The following AP3D1 variants were observed in gnomAD, a reference collection of about 807,000 sequenced individuals.
The protein encoded by AP3D1 is adaptor related protein complex 3 subunit delta 1.
Under a neutral mutation model 147.6 loss-of-function variants are expected in AP3D1, and 51 were observed. The observed-to-expected ratio is 0.35, with a 90% CI of 0.28 to 0.44. The LOEUF is 0.44. Among genes scored for constraint, AP3D1 ranks in the 20% least tolerant of loss-of-function variants. The pLI is 1.00. For missense variants in AP3D1, 1,421 were observed against 1,624.2 expected (o/e 0.87, Z 2.15); for synonymous variants, 760 against 663.0 (o/e 1.15, Z -2.25).
intron 1 of AP3D1, among the ~76,000 whole-genome samples, chr19:2,141,070 A>G (rs940903957): frequency 6.6e-6 from 1 of 152,090 alleles, no homozygotes; most frequent in East Asian, 1.9e-4. Context: ...GAATTAGAAA[A>G]AAAATGTATT....
intron 1 of AP3D1, among the ~76,000 whole-genome samples, chr19:2,140,181 C>G (rs991537045): frequency 6.6e-6 from 1 of 152,124 alleles, no homozygotes; most frequent in African/African-American, 2.4e-5. Context: ...AACAAAAAGA[C>G]CATCCCAGGC....
intron 9 of AP3D1, among the ~76,000 whole-genome samples, chr19:2,126,293 G>A (rs1160732599): frequency 6.7e-6 from 1 of 149,696 alleles, no homozygotes; most frequent in Non-Finnish European, 1.5e-5. Context: ...AGAGACCACT[G>A]GGGACATTGG....
Position 2,121,243 on chromosome 19 carries a change from G to A in AP3D1, c.1170C>T (p.Thr390=), listed in dbSNP as rs2018602859. ...LMTHVDKAEG[T]TYRDELLTKI... Reference sequence around the variant, plus strand: ...TGGTGAGCAGCTCGTCACGGTAGGTGGTACCCTCTGCCTTGTCTACGTGGG... The same window carrying A: ...TGGTGAGCAGCTCGTCACGGTAGGTAGTACCCTCTGCCTTGTCTACGTGGG... The change falls in exon 13 of 32, where the codon ACC becomes ACT. Residue 390 remains threonine, a synonymous_variant. Transcript: ENST00000643116. The A allele has an allele frequency of 1.2e-6, 2 of 1,614,066 alleles. No homozygotes were observed. The highest frequency in any genetic ancestry group is 4.5e-5 in the East Asian group (2 of 44,892).
chr19:2,107,576 T>C (rs759923311), intron 31 of AP3D1, among the ~76,000 whole-genome samples: 19 of 151,538 alleles, frequency 1.3e-4, no homozygotes, highest in Non-Finnish European at 2.2e-4. Flanking sequence ...CTGTCTCTAC[T>C]AAAAATACAA....
At chr19:2,154,553 A>G (rs2019630147), upstream of AP3D1, among the ~76,000 whole-genome samples, 1 of 152,336 alleles carries the variant, frequency 6.6e-6, no homozygotes, top group South Asian at 2.1e-4. Context: ...CTGGGAATAC[A>G]GTCGTGAGCC....
At chr19:2,124,918 A>C (rs760163123) in intron 9 of AP3D1, among the ~76,000 whole-genome samples, 8 of 152,148 alleles carry the variant, frequency 5.3e-5, no homozygotes, top group Admixed American at 5.2e-4. Context: ...CAGCCTGGGC[A>C]ACAAGAGAGA....
intron 1 of AP3D1, among the ~76,000 whole-genome samples, chr19:2,147,217 T>C (rs994097040): frequency 2.0e-5 from 3 of 151,940 alleles, no homozygotes; most frequent in Middle Eastern, 3.4e-3. Context: ...TGGTGGCACA[T>C]GCCTGTAATC....
intron 8 of AP3D1, 22 bp from the exon 9 acceptor site, chr19:2,127,223 A>C (rs1258130461): frequency 6.2e-7 from 1 of 1,612,760 alleles, no homozygotes; most frequent in South Asian, 1.1e-5. Flanking sequence ...AACACAGGGA[A>C]GCGGCATGAG....
chr19:2,122,064 C>G (rs1284817794), intron 11 of AP3D1, among the ~76,000 whole-genome samples, 185 bp from the exon 12 acceptor site: 1 of 152,188 alleles, frequency 6.6e-6, no homozygotes, highest in Non-Finnish European at 1.5e-5. Flanking sequence ...AGCAGAGCCC[C>G]CTCCCTGGGA....
chr19:2,144,746 T>C (rs1479977703), intron 1 of AP3D1, among the ~76,000 whole-genome samples: 1 of 151,984 alleles, frequency 6.6e-6, no homozygotes, highest in Non-Finnish European at 1.5e-5. Context: ...CCACTAAAAA[T>C]ACAAAAATTA....
intron 31 of AP3D1, among the ~76,000 whole-genome samples, chr19:2,104,666 G>GTTT (rs967229513): frequency 2.6e-4 from 29 of 113,452 alleles, no homozygotes; most frequent in African/African-American, 5.1e-4. Flanking sequence ...TCTGACACAA[G>GTTT]TTTTTTTTTT....
At chr19:2,136,170 G>T (rs1325060791) in intron 4 of AP3D1, among the ~76,000 whole-genome samples, 1 of 152,250 alleles carries the variant, frequency 6.6e-6, no homozygotes, top group Non-Finnish European at 1.5e-5. Context: ...GGGACGCCCA[G>T]CTCTATAACC....
At chr19:2,116,972 G>C (rs1156262362) in intron 16 of AP3D1, 10 of 797,846 alleles carry the variant, frequency 1.3e-5, no homozygotes, top group Non-Finnish European at 1.9e-5. Flanking sequence ...GCAGGCTCAG[G>C]CTGCCTCAGA....
chr19:2,123,051 T>A (rs1311820659), intron 11 of AP3D1, among the ~76,000 whole-genome samples: 2 of 152,240 alleles, frequency 1.3e-5, no homozygotes, highest in East Asian at 3.8e-4. Flanking sequence ...ACCAAGGTGC[T>A]CAGTGAGTGG....
At chr19:2,145,140 A>T (rs2019323793) in intron 1 of AP3D1, among the ~76,000 whole-genome samples, 2 of 152,266 alleles carry the variant, frequency 1.3e-5, no homozygotes, top group Admixed American at 6.5e-5. Flanking sequence ...GCTCAGCAGC[A>T]TCACAGGACA....
At chr19:2,161,155 GTTTT>G (rs58654241) in intron 1 of AP3D1, among the ~76,000 whole-genome samples, 3 of 125,378 alleles carry the variant, frequency 2.4e-5, no homozygotes, top group Non-Finnish European at 3.4e-5. Context: ...GCTTCTCCTA[GTTTT>G]TTTTTTTTTT....
intron 1 of AP3D1, among the ~76,000 whole-genome samples, chr19:2,159,639 C>T (rs1473103860): frequency 2.6e-5 from 4 of 151,374 alleles, no homozygotes; most frequent in African/African-American, 7.3e-5. Flanking sequence ...CCACCCACCT[C>T]GGCCTTCCAA....
chr19:2,115,647 C>T (rs757549092), intron 18 of AP3D1, 34 bp from the exon 19 acceptor site: 2 of 1,595,130 alleles, frequency 1.3e-6, no homozygotes, highest in East Asian at 2.2e-5. Context: ...TACCGGTGCA[C>T]CGAGGGGTGA....
chr19:2,105,146 T>G (rs1307321470), intron 31 of AP3D1, among the ~76,000 whole-genome samples: 1 of 152,192 alleles, frequency 6.6e-6, no homozygotes, highest in African/African-American at 2.4e-5. Flanking sequence ...ACTGGTGAGC[T>G]TGGCAAGAGA....
Sources: allele counts gnomAD v4.1 joint callset (sites outside exome capture counted in the v4.1 genomes callset), GRCh38; gene constraint gnomAD v4.1.1; transcripts MANE v1.5; gene names NCBI Gene and HGNC (gene_info 2026-07-23, HGNC 2026-07-21).